Variants in ADSS2 observed in about 807,000 individuals in gnomAD.
ADSS2 encodes adenylosuccinate synthetase isozyme 2.
ADSS2 carries 30 observed loss-of-function variants against 60.0 expected under a neutral mutation model. That is an observed-to-expected ratio of 0.50 (90% CI 0.37 to 0.68). The LOEUF is 0.68. Among genes scored for constraint, ADSS2 ranks in the 30% least tolerant of loss-of-function variants. The pLI, the probability that ADSS2 is intolerant of heterozygous loss-of-function variation, is 0.00. For missense variants in ADSS2, 373 were observed against 554.8 expected (o/e 0.67, Z 3.29); for synonymous variants, 187 against 193.1 (o/e 0.97, Z 0.26).
chr1:244,435,940 A>G (rs1003400632), intron 3 of ADSS2, among the ~76,000 whole-genome samples: 1 of 152,208 alleles, frequency 6.6e-6, no homozygotes, highest in African/African-American at 2.4e-5. Context: ...TTATTACCAC[A>G]GTTGGCACAT....
chr1:244,445,648 T>TAA (rs34487846), intron 1 of ADSS2, among the ~76,000 whole-genome samples: 17,748 of 147,308 alleles, frequency 0.12, 1,318 homozygotes, highest in African/African-American at 0.19. Flanking sequence ...CAGGGGAGGT[T>TAA]AAAAAAAAAA....
At chr1:244,450,446 T>C (rs1665520226) in intron 1 of ADSS2, among the ~76,000 whole-genome samples, 1 of 152,196 alleles carries the variant, frequency 6.6e-6, no homozygotes. Flanking sequence ...CAGAGAATAT[T>C]TGCAGTATTT....
rs1387187842 is a variant in ADSS2, at chr1:244,420,272, T to C, written c.688A>G (p.Met230Val). 6.2e-7 allele frequency: 1 copy of C among 1,613,344 alleles called. No individual in the cohort carries two copies. The highest frequency in any genetic ancestry group is 1.1e-5 in the South Asian group (1 of 91,046). ...AGAAAATAAACTCCATCTCTCACCA[T>C]TGGTTTAATCTTTTCCATATAACCC... is the stretch of plus-strand genomic sequence containing the variant. The part of the protein sequence containing the change: ...LKGYMEKIKP[M>V]VRDGVYFLYE... Residue 230 changes from methionine to valine, a missense_variant, in exon 8 of 13, where the codon ATG (methionine) becomes GTG (valine). Around this residue, in one of 5 missense-constraint regions of ADSS2, gnomAD observed 139 missense variants for 189.4 expected, o/e 0.73. Transcript: ENST00000366535.
intron 1 of ADSS2, among the ~76,000 whole-genome samples, chr1:244,448,539 T>C (rs1444062959): frequency 3.9e-5 from 6 of 152,188 alleles, no homozygotes; most frequent in Non-Finnish European, 8.8e-5. Context: ...CAACTTCATG[T>C]GTGTCATTAT....
At chr1:244,413,042 G>T (rs111816423) in intron 11 of ADSS2, among the ~76,000 whole-genome samples, 4,210 of 152,238 alleles carry the variant, frequency 0.028, 94 homozygotes, top group Middle Eastern at 0.082. Context: ...GGAAGGAAAG[G>T]GACTGTATTC....
chr1:244,416,134 T>C (rs1446894133), intron 10 of ADSS2, 56 bp from the exon 11 acceptor site: 11 of 1,205,146 alleles, frequency 9.1e-6, no homozygotes, highest in Non-Finnish European at 1.3e-5. Flanking sequence ...GCCTCTAATA[T>C]CTAATTTGAT....
chr1:244,420,403 A>G (rs1664647991), intron 7 of ADSS2, 107 bp from the exon 8 acceptor site: 19 of 948,580 alleles, frequency 2.0e-5, no homozygotes, highest in Non-Finnish European at 2.7e-5. Context: ...TGACAAACGC[A>G]AAGTAGAAAA....
chr1:244,427,915 C>T (rs1289450920), intron 4 of ADSS2, among the ~76,000 whole-genome samples: 1 of 152,104 alleles, frequency 6.6e-6, no homozygotes, highest in African/African-American at 2.4e-5. Flanking sequence ...AGGAAAGGTT[C>T]AATGCATCAA....
intron 6 of ADSS2, 87 bp from the exon 7 acceptor site, chr1:244,423,003 G>T: frequency 1.2e-6 from 1 of 864,982 alleles, no homozygotes; most frequent in Non-Finnish European, 1.7e-6. Context: ...TTCTGCAGAT[G>T]GTAAATGATC....
intron 8 of ADSS2, 91 bp downstream of exon 8, chr1:244,420,079 T>C (rs937293150): frequency 1.5e-6 from 2 of 1,337,502 alleles, no homozygotes; most frequent in African/African-American, 2.9e-5. Context: ...AACATTGTTT[T>C]AAAACTCCTT....
At chr1:244,411,195 T>C in intron 12 of ADSS2, 92 bp downstream of exon 12, 3 of 1,339,506 alleles carry the variant, frequency 2.2e-6, no homozygotes, top group Non-Finnish European at 3.0e-6. Flanking sequence ...CACTCCAGCC[T>C]GGGACAGAGC....
intron 5 of ADSS2, 107 bp from the exon 6 acceptor site, chr1:244,424,167 T>C (rs80144373): frequency 0.057 from 68,421 of 1,190,396 alleles, 2,320 homozygotes; most frequent in Non-Finnish European, 0.069. Context: ...TCTGTTTATG[T>C]TATTTCTTGC....
At chr1:244,437,293 T>C (rs1328353396) in intron 2 of ADSS2, among the ~76,000 whole-genome samples, 1 of 152,142 alleles carries the variant, frequency 6.6e-6, no homozygotes, top group South Asian at 2.1e-4. Flanking sequence ...ATTGCATCAT[T>C]TATTGTAAGG....
At chr1:244,420,382 G>T in intron 7 of ADSS2, 86 bp from the exon 8 acceptor site, 7 of 1,281,752 alleles carry the variant, frequency 5.5e-6, no homozygotes, top group Non-Finnish European at 7.4e-6. Flanking sequence ...CTGACTTTAT[G>T]ACATGAAAAC....
intron 12 of ADSS2, among the ~76,000 whole-genome samples, chr1:244,409,969 T>G (rs528048465): frequency 2.0e-5 from 3 of 152,318 alleles, no homozygotes; most frequent in African/African-American, 7.2e-5. Context: ...CAGGCCAAGA[T>G]AAGCATCTTC....
At chr1:244,435,447 CAT>C (rs1482146041) in intron 3 of ADSS2, among the ~76,000 whole-genome samples, 1 of 152,132 alleles carries the variant, frequency 6.6e-6, no homozygotes, top group East Asian at 1.9e-4. Context: ...ATACACCTTA[CAT>C]ATCAATTGAG....
chr1:244,415,993 G>C lies in ADSS2; in HGVS notation c.1156C>G (p.Pro386Ala). The C allele has an allele frequency of 3.7e-6, 6 of 1,609,252 alleles. No individual in the cohort carries two copies. The highest frequency in any genetic ancestry group is 3.4e-6 in the Non-Finnish European group (4 of 1,175,932). The change falls in exon 11 of 13, where the codon CCT (proline) becomes GCT (alanine). Residue 386 changes from proline (P) to alanine (A), a missense_variant. By Grantham distance (27) the Pro-to-Ala change is conservative (BLOSUM62 -1). Transcript: ENST00000366535. ...TAAAAGAAAATACCTGGGATATGAG[G>C]TATGATTTCACCATCTAACTTGTAA... ...VAYKLDGEII[P>A]HIPANQEVLN...
chr1:244,442,242 TACACAC>T (rs71739056), intron 1 of ADSS2, among the ~76,000 whole-genome samples: 3 of 149,154 alleles, frequency 2.0e-5, no homozygotes, highest in South Asian at 2.1e-4. Flanking sequence ...ATGGTTGCTC[TACACAC>T]ACACACACAC....
intron 4 of ADSS2, among the ~76,000 whole-genome samples, chr1:244,429,955 C>T (rs1184837216): frequency 7.4e-6 from 1 of 135,602 alleles, no homozygotes; most frequent in Non-Finnish European, 1.6e-5. Context: ...GGGAAGTGAA[C>T]CTTACAGGCT....
Sources: allele counts gnomAD v4.1 joint callset (sites outside exome capture counted in the v4.1 genomes callset), GRCh38; gene constraint gnomAD v4.1.1; regional missense constraint gnomAD v4.1.1; transcripts MANE v1.5; gene names NCBI Gene and HGNC (gene_info 2026-07-23, HGNC 2026-07-21).